CCDC192: variants seen among roughly 807,000 people sequenced by gnomAD.
The protein encoded by CCDC192 is coiled-coil domain containing 192.
At chr5:127,848,528 C>T (rs1462359619) in intron 5 of CCDC192, among the ~76,000 whole-genome samples, 7 of 152,122 alleles carry the variant, frequency 4.6e-5, no homozygotes, top group Non-Finnish European at 1.0e-4. Flanking sequence ...AAGCTCAGGC[C>T]GGATAACTCT....
At chr5:127,784,298 A>C (rs2126939784) in intron 3 of CCDC192, among the ~76,000 whole-genome samples, 1 of 152,342 alleles carries the variant, frequency 6.6e-6, no homozygotes. Context: ...AGTGCTGCCA[A>C]TACAACAGCT....
At chr5:127,762,825 G>T (rs1755004788) in intron 3 of CCDC192, among the ~76,000 whole-genome samples, 1 of 152,156 alleles carries the variant, frequency 6.6e-6, no homozygotes. Context: ...GATGGTAAAT[G>T]AACTTTCCCT....
chr5:127,880,435 C>CA lies in CCDC192; in HGVS notation c.535+4775dup, dbSNP rs1423548069. Among the ~76,000 whole-genome samples, 5 of 121,460 alleles carry CA rather than the reference C, an allele frequency of 4.1e-5. No individual in the cohort carries two copies. In the East Asian group the frequency reaches 1.2e-3, roughly 29 times the overall value. The allele number at this position is 121,460 out of a possible 152,430, so 79.7% of individuals were successfully genotyped here. Reference sequence around the variant, plus strand: ...CATGGACACAGGAAGGGGAATATCACACTCTGGGGACTGTGGTGGGGTGGG... The same window carrying CA: ...CATGGACACAGGAAGGGGAATATCACAACTCTGGGGACTGTGGTGGGGTGGG... On this transcript the variant is annotated intron_variant, in intron 6 of 6. Transcript: ENST00000514853.
At chr5:127,860,120 C>T (rs941557973) in intron 5 of CCDC192, among the ~76,000 whole-genome samples, 3 of 152,138 alleles carry the variant, frequency 2.0e-5, no homozygotes, top group African/African-American at 4.8e-5. Flanking sequence ...TCCCAGATCA[C>T]CCTACATAAA....
rs374711925 is a variant in CCDC192, at chr5:127,786,163, A to G, written c.223-10940A>G. On this transcript the variant is annotated intron_variant, in intron 3 of 6. Transcript: ENST00000514853. Reference sequence around the variant, plus strand: ...GTGGAAAATTTCCAAGTGTTTTTCAATGAGGACTTTCTCACATTTCCTTGC... The same window carrying G: ...GTGGAAAATTTCCAAGTGTTTTTCAGTGAGGACTTTCTCACATTTCCTTGC... 6.7e-5 allele frequency: 72 copies of G among 1,069,728 alleles called. 2 individuals carry two copies. The Middle Eastern group carries it at 1.0e-3, about 15-fold the overall frequency. 66.3% of individuals were successfully genotyped at this position (1,069,728 alleles called of 1,614,324 possible). A position where few individuals can be genotyped will look rare whatever the true frequency, so the allele number is the denominator to read the frequency against.
At chr5:127,839,609 A>C (rs1750191830) in intron 5 of CCDC192, among the ~76,000 whole-genome samples, 1 of 152,166 alleles carries the variant, frequency 6.6e-6, no homozygotes, top group South Asian at 2.1e-4. Context: ...ATTTTTATAA[A>C]GATATAATTA....
intron 5 of CCDC192, among the ~76,000 whole-genome samples, chr5:127,804,138 A>T (rs1757656004): frequency 6.6e-6 from 1 of 152,208 alleles, no homozygotes; most frequent in African/African-American, 2.4e-5. Flanking sequence ...GTAAGAGCGG[A>T]CTGCTCCCTC....
intron 2 of CCDC192, among the ~76,000 whole-genome samples, chr5:127,730,407 G>C (rs993001672): frequency 1.3e-5 from 2 of 152,090 alleles, no homozygotes; most frequent in Non-Finnish European, 2.9e-5. Flanking sequence ...AGAAGCCTAG[G>C]ACCAGACAGT....
intron 2 of CCDC192, among the ~76,000 whole-genome samples, chr5:127,730,934 A>G (rs1230133864): frequency 6.6e-6 from 1 of 152,214 alleles, no homozygotes; most frequent in Non-Finnish European, 1.5e-5. Context: ...AAAAGCTAGA[A>G]GCATTCCCTT....
intron 6 of CCDC192, among the ~76,000 whole-genome samples, chr5:127,909,832 G>T (rs1753297270): frequency 6.6e-6 from 1 of 152,046 alleles, no homozygotes; most frequent in African/African-American, 2.4e-5. Flanking sequence ...TTGACAGAAT[G>T]GTTTATATAT....
intron 2 of CCDC192, chr5:127,740,180 G>C (rs968945187): frequency 2.0e-5 from 3 of 152,206 alleles, no homozygotes; most frequent in African/African-American, 4.8e-5. Context: ...GTACAATGGT[G>C]TTCTCATTTT....
At chr5:127,707,571 A>G (rs1443022551) in intron 1 of CCDC192, 138 bp from the exon 2 acceptor site, 2 of 379,830 alleles carry the variant, frequency 5.3e-6, no homozygotes, top group Non-Finnish European at 9.3e-6. Flanking sequence ...AGAAATTGAC[A>G]TTTGGAGGAA....
chr5:127,755,994 G>A (rs766964328), intron 3 of CCDC192, among the ~76,000 whole-genome samples: 11 of 152,082 alleles, frequency 7.2e-5, no homozygotes, highest in African/African-American at 2.4e-4. Flanking sequence ...TTAGCCCAGC[G>A]TAGTGGGTGG....
intron 2 of CCDC192, among the ~76,000 whole-genome samples, chr5:127,753,324 A>C (rs1754350857): frequency 1.3e-5 from 2 of 152,162 alleles, no homozygotes; most frequent in South Asian, 4.1e-4. Flanking sequence ...AAGTGCTCTA[A>C]TCTCACAAAG....
At chr5:127,718,781 G>A (rs1751788728) in intron 2 of CCDC192, among the ~76,000 whole-genome samples, 1 of 152,140 alleles carries the variant, frequency 6.6e-6, no homozygotes, top group African/African-American at 2.4e-5. Context: ...ACACAGTGGT[G>A]TGTATATCTA....
Position 127,704,837 on chromosome 5 carries a change from TAAAA to T in CCDC192, c.62+1331_62+1334del, listed in dbSNP as rs1750869421. Among the ~76,000 whole-genome samples the T allele has an allele frequency of 3.1e-5, 4 of 130,046 alleles. No individual in the cohort carries two copies. The South Asian group carries it at 9.9e-4, about 32-fold the overall frequency. 85.3% of individuals were successfully genotyped at this position (130,046 alleles called of 152,430 possible). On this transcript the variant is annotated intron_variant, in intron 1 of 6. Transcript: ENST00000514853. ...CTGGGCGACAGAGCGAAACTCCATC[TAAAA>T]TAAATAAATAAATAAATAAATAAAT...
At chr5:127,787,253 C>A (rs1425422952) in intron 3 of CCDC192, among the ~76,000 whole-genome samples, 1 of 152,180 alleles carries the variant, frequency 6.6e-6, no homozygotes, top group Non-Finnish European at 1.5e-5. Context: ...ACCTGGTCAC[C>A]AGGCCTAGAC....
intron 2 of CCDC192, among the ~76,000 whole-genome samples, chr5:127,753,282 TTAAG>T (rs1253218430): frequency 6.6e-5 from 10 of 152,214 alleles, no homozygotes; most frequent in Non-Finnish European, 1.0e-4. Flanking sequence ...TTTCTAATTA[TTAAG>T]TATCACAATA....
At chr5:127,807,679 C>G (rs1757864940) in intron 5 of CCDC192, among the ~76,000 whole-genome samples, 1 of 152,034 alleles carries the variant, frequency 6.6e-6, no homozygotes, top group African/African-American at 2.4e-5. Flanking sequence ...TCTGTTCTAC[C>G]CCTAACCCAG....
Sources: allele counts gnomAD v4.1 joint callset (sites outside exome capture counted in the v4.1 genomes callset), GRCh38; gene constraint gnomAD v4.1.1; transcripts MANE v1.5; gene names NCBI Gene and HGNC (gene_info 2026-07-23, HGNC 2026-07-21).